Variants in PDGFD observed in about 807,000 individuals in gnomAD.
PDGFD encodes platelet derived growth factor D, also known as platelet-derived growth factor D.
PDGFD carries 30 observed loss-of-function variants against 44.7 expected under a neutral mutation model. That is an observed-to-expected ratio of 0.67 (90% CI 0.50 to 0.91). The LOEUF (loss-of-function observed/expected upper bound fraction) is 0.91, where lower values mean the gene tolerates loss of function less well. Ranked by LOEUF, PDGFD falls within the 40% of genes least tolerant of loss-of-function variation. The pLI is 0.00. For missense variants in PDGFD, 445 were observed against 457.8 expected, an observed-to-expected ratio of 0.97 and a Z score of 0.25; for synonymous variants, 173 against 168.4, an observed-to-expected ratio of 1.03 and a Z score of -0.21.
At chr11:104,004,832 T>C (rs963301940) in intron 1 of PDGFD, among the ~76,000 whole-genome samples, 8 of 151,110 alleles carry the variant, frequency 5.3e-5, no homozygotes, top group East Asian at 1.9e-4. Context: ...TGCATGTCCA[T>C]ATATATTTAT....
chr11:104,045,430 A>T (rs1352199328), intron 1 of PDGFD, among the ~76,000 whole-genome samples: 1 of 152,140 alleles, frequency 6.6e-6, no homozygotes, highest in Non-Finnish European at 1.5e-5. Context: ...GAAATTGATC[A>T]AACTGCTTTA....
At chr11:104,000,358 T>G (rs1859602094) in intron 1 of PDGFD, 103 bp from the exon 2 acceptor site, 1 of 1,005,086 alleles carries the variant, frequency 9.9e-7, no homozygotes, top group African/African-American at 1.6e-5. Flanking sequence ...AAACACTTCT[T>G]TATTTTGCCT....
intron 1 of PDGFD, among the ~76,000 whole-genome samples, chr11:104,033,676 T>C (rs1229150069): frequency 6.6e-6 from 1 of 152,170 alleles, no homozygotes; most frequent in African/African-American, 2.4e-5. Context: ...AGCCCCAGTA[T>C]AATCCTCCTC....
intron 1 of PDGFD, among the ~76,000 whole-genome samples, chr11:104,137,096 T>G (rs1862017401): frequency 6.6e-6 from 1 of 152,210 alleles, no homozygotes; most frequent in Non-Finnish European, 1.5e-5. Flanking sequence ...TTCCCAAGCT[T>G]GGGTCTACTG....
chr11:103,911,182 T>G (rs1292992318), intron 6 of PDGFD, among the ~76,000 whole-genome samples: 1 of 152,196 alleles, frequency 6.6e-6, no homozygotes, highest in Admixed American at 6.5e-5. Context: ...CATTCCTGCC[T>G]GGAGGCTCTG....
intron 1 of PDGFD, among the ~76,000 whole-genome samples, chr11:104,052,707 C>G (rs1189477115): frequency 1.3e-5 from 2 of 152,100 alleles, no homozygotes; most frequent in Non-Finnish European, 2.9e-5. Flanking sequence ...CATTGATTCC[C>G]AGAGTTATCA....
At chr11:104,037,962 G>A (rs115179914) in intron 1 of PDGFD, 113 of 1,613,980 alleles carry the variant, frequency 7.0e-5, no homozygotes, top group Non-Finnish European at 8.6e-5. Flanking sequence ...ATGAGTCTTC[G>A]GACAAGGAAA....
chr11:104,019,846 T>A (rs1859922972), intron 1 of PDGFD, among the ~76,000 whole-genome samples: 1 of 152,130 alleles, frequency 6.6e-6, no homozygotes, highest in Non-Finnish European at 1.5e-5. Context: ...TTTGGAGTGT[T>A]CCCTACTACT....
intron 5 of PDGFD, among the ~76,000 whole-genome samples, chr11:103,942,954 T>C (rs886364583): frequency 1.3e-5 from 2 of 152,150 alleles, no homozygotes; most frequent in East Asian, 1.9e-4. Flanking sequence ...GTTCAGATAA[T>C]TTTTATAAGA....
intron 1 of PDGFD, among the ~76,000 whole-genome samples, chr11:104,046,205 T>G (rs546160234): frequency 6.8e-6 from 1 of 147,818 alleles, no homozygotes; most frequent in African/African-American, 2.5e-5. Context: ...ATGACATCAA[T>G]TGGACATCAG....
intron 1 of PDGFD, 81 bp from the exon 2 acceptor site, chr11:104,000,336 C>T: frequency 1.7e-6 from 2 of 1,170,176 alleles, no homozygotes; most frequent in Non-Finnish European, 2.5e-6. Context: ...GTTTACAACA[C>T]ATCATACTTC....
chr11:104,018,177 G>T (rs928983593), intron 1 of PDGFD, among the ~76,000 whole-genome samples: 1 of 150,354 alleles, frequency 6.7e-6, no homozygotes, highest in Non-Finnish European at 1.5e-5. Flanking sequence ...CAGACTAAAA[G>T]CTTCTGGAAA....
At chr11:104,013,062 C>T (rs1859806585) in intron 1 of PDGFD, among the ~76,000 whole-genome samples, 1 of 152,216 alleles carries the variant, frequency 6.6e-6, no homozygotes, top group Non-Finnish European at 1.5e-5. Context: ...ACCCCAAACT[C>T]CGCTGGCAGA....
intron 1 of PDGFD, 80 bp downstream of exon 1, chr11:104,163,722 GAA>G (rs1352697677): frequency 7.0e-7 from 1 of 1,424,828 alleles, no homozygotes. Flanking sequence ...GATTCAAAAA[GAA>G]AGGGGAAAAA....
chr11:104,123,289 C>T (rs1861803428), intron 1 of PDGFD, among the ~76,000 whole-genome samples: 1 of 151,954 alleles, frequency 6.6e-6, no homozygotes, highest in African/African-American at 2.4e-5. Flanking sequence ...TGCTTTTAAA[C>T]AATAATGTCA....
intron 1 of PDGFD, among the ~76,000 whole-genome samples, chr11:104,052,796 T>C (rs748959802): frequency 1.3e-5 from 2 of 152,158 alleles, no homozygotes; most frequent in Admixed American, 6.6e-5. Flanking sequence ...ATTTCCTGAG[T>C]AGGCTATAGA....
intron 1 of PDGFD, among the ~76,000 whole-genome samples, chr11:104,126,715 T>TGCTAGCAGAG (rs1286592171): frequency 1.1e-4 from 16 of 152,302 alleles, no homozygotes; most frequent in Middle Eastern, 3.4e-3. Flanking sequence ...TACAGTTCTC[T>TGCTAGCAGAG]GCTAGCAGAG....
In PDGFD at chr11:104,017,341, T is replaced by C. The variant is rs541099895; in HGVS notation, c.125-17086A>G. ...TAGATCTATTAACATTCCTTGGGTG[T>C]TTTTCCGTTTTTTTTGTTTTTTTTT... is the stretch of plus-strand genomic sequence containing the variant. On this transcript the variant is annotated intron_variant, in intron 1 of 6. Transcript: ENST00000393158. Among the ~76,000 whole-genome samples, 27 of 149,624 alleles carry C rather than the reference T, an allele frequency of 1.8e-4. No homozygotes were observed. In the South Asian group the frequency reaches 4.0e-3, roughly 22 times the overall value.
chr11:104,092,651 A>G (rs1454512013), intron 1 of PDGFD, among the ~76,000 whole-genome samples: 1 of 152,212 alleles, frequency 6.6e-6, no homozygotes, highest in African/African-American at 2.4e-5. Context: ...ATATATTAAT[A>G]GAGTCATATC....
Sources: allele counts gnomAD v4.1 joint callset (sites outside exome capture counted in the v4.1 genomes callset), GRCh38; gene constraint gnomAD v4.1.1; transcripts MANE v1.5; gene names NCBI Gene and HGNC (gene_info 2026-07-23, HGNC 2026-07-21).